Variants in DOCK9 observed in about 807,000 individuals in gnomAD.
DOCK9 encodes dedicator of cytokinesis 9.
In DOCK9, 89 loss-of-function variants were observed where a neutral mutation model predicts 263.3. The observed-to-expected ratio is 0.34, with a 90% CI of 0.28 to 0.40. The LOEUF (loss-of-function observed/expected upper bound fraction) is 0.40. DOCK9 is among the 10% of genes least tolerant of loss of function. The probability of loss-of-function intolerance (pLI) is 1.00; values close to 1 mark genes in which losing one functional copy is unlikely to be tolerated. For missense variants in DOCK9, 2,140 were observed against 2,603.4 expected (o/e 0.82, Z 3.87); for synonymous variants, 976 against 973.1 (o/e 1.00, Z -0.06).
At chr13:98,860,865 CT>C (rs1444501472) in intron 32 of DOCK9, among the ~76,000 whole-genome samples, 1 of 151,980 alleles carries the variant, frequency 6.6e-6, no homozygotes, top group Admixed American at 6.5e-5. Flanking sequence ...TGTTTTTTTC[CT>C]TCAGAGAAAG....
At chr13:99,015,420 T>C (rs1483649001) in intron 1 of DOCK9, 1 of 1,549,450 alleles carries the variant, frequency 6.5e-7, no homozygotes, top group Non-Finnish European at 8.7e-7. Flanking sequence ...ATTAAACTAC[T>C]TGTTAATTAA....
chr13:98,992,557 G>A (rs1465067599), intron 1 of DOCK9, among the ~76,000 whole-genome samples: 3 of 152,072 alleles, frequency 2.0e-5, no homozygotes, highest in Non-Finnish European at 2.9e-5. Flanking sequence ...GTGAATCATG[G>A]GGCCAGGTTT....
chr13:98,815,725 C>T (rs1426876492), intron 45 of DOCK9, among the ~76,000 whole-genome samples: 1 of 152,166 alleles, frequency 6.6e-6, no homozygotes. Context: ...TTGTGATCCA[C>T]CCACCTTGGC....
intron 1 of DOCK9, among the ~76,000 whole-genome samples, chr13:98,970,527 C>A (rs371925083): frequency 3.9e-5 from 6 of 152,162 alleles, no homozygotes; most frequent in African/African-American, 1.4e-4. Flanking sequence ...CTTGCTGCTG[C>A]CTTTCCCTTG....
At chr13:98,982,670 G>C (rs1455416532), upstream of DOCK9, among the ~76,000 whole-genome samples, 1 of 152,168 alleles carries the variant, frequency 6.6e-6, no homozygotes, top group African/African-American at 2.4e-5. Context: ...TGGCCCTAAA[G>C]TGAAATGGTG....
chr13:99,012,221 G>A (rs1595902465), intron 1 of DOCK9, among the ~76,000 whole-genome samples: 1 of 152,066 alleles, frequency 6.6e-6, no homozygotes, highest in African/African-American at 2.4e-5. Context: ...ATTTTCTTAA[G>A]TATGTTTCTT....
chr13:98,796,129 A>T, intron 52 of DOCK9: 1 of 1,088,814 alleles, frequency 9.2e-7, no homozygotes. Context: ...CAATGTCTGT[A>T]GTTGCTCAAA....
intron 43 of DOCK9, among the ~76,000 whole-genome samples, chr13:98,827,119 C>T (rs1216819228): frequency 6.6e-6 from 1 of 152,124 alleles, no homozygotes; most frequent in Non-Finnish European, 1.5e-5. Context: ...TTTGCTAAGG[C>T]TTTTTTCTAT....
At chr13:98,923,421 G>A (rs1834850641) in intron 4 of DOCK9, 50 bp from the exon 5 acceptor site, 1 of 1,499,386 alleles carries the variant, frequency 6.7e-7, no homozygotes. Context: ...AGTCAAGGAA[G>A]AGGCTTTGCA....
intron 52 of DOCK9, chr13:98,796,312 G>C: frequency 1.0e-6 from 1 of 1,002,016 alleles, no homozygotes; most frequent in Non-Finnish European, 1.5e-6. Flanking sequence ...TAAACTGTCA[G>C]GGGATAGGAT....
chr13:98,911,559 T>G (rs1302850786), intron 9 of DOCK9, among the ~76,000 whole-genome samples: 1 of 152,192 alleles, frequency 6.6e-6, no homozygotes, highest in African/African-American at 2.4e-5. Context: ...CCCTTAATAA[T>G]GACATTATTT....
In DOCK9 at chr13:98,898,209, T is replaced by A; in HGVS notation, c.1556A>T (p.Gln519Leu). The change falls in exon 14 of 53, where the codon CAG (glutamine) becomes CTG (leucine). Residue 519 changes from glutamine to leucine, a missense_variant. Coordinates refer to ENST00000682017, the MANE Select transcript of DOCK9 (RefSeq NM_001366683.2). ...TGCCCAAGCAAATGGCATTCTATAC[T>A]GTCCTAGTCTTTGGCATGCCTGCTT... ...NAKQACQRLG[Q>L]YRMPFAWAAR... is the part of the protein sequence containing the mutation. 6.2e-7 allele frequency: 1 copy of A among 1,612,232 alleles called. No individual in the cohort carries two copies. Among genetic ancestry groups the A allele is most frequent in the Non-Finnish European group, 8.5e-7 (1 of 1,179,170 alleles).
At chr13:99,038,287 CCTTTTTTTTTTTTTT>C (rs1888109083) in intron 1 of DOCK9, among the ~76,000 whole-genome samples, 2 of 48,834 alleles carry the variant, frequency 4.1e-5, no homozygotes, top group South Asian at 1.1e-3. Flanking sequence ...TTTATGCCCC[CCTTTTTTTTTTTTTT>C]TTTTTTTTTT....
chr13:98,902,264 GA>G (rs764430224), intron 12 of DOCK9, 23 bp downstream of exon 12: 3 of 1,609,898 alleles, frequency 1.9e-6, no homozygotes, highest in Non-Finnish European at 2.5e-6. Flanking sequence ...TGAGTAGTGG[GA>G]ATGCTGGGCT....
chr13:98,814,943 A>ATAACATAACATAACATAAC (rs1566576506), intron 45 of DOCK9, among the ~76,000 whole-genome samples: 1,514 of 32,978 alleles, frequency 0.046, 58 homozygotes, highest in Non-Finnish European at 0.069. Context: ...CTCAAAATAA[A>ATAACATAACATAACATAAC]ATAAAATAAA....
intron 1 of DOCK9, among the ~76,000 whole-genome samples, chr13:99,063,847 A>C (rs889793126): frequency 3.9e-4 from 60 of 152,082 alleles, no homozygotes; most frequent in African/African-American, 1.4e-3. Flanking sequence ...TTCATCTTCA[A>C]GCACAACTCA....
At chr13:99,028,911 G>A (rs942553992) in intron 1 of DOCK9, among the ~76,000 whole-genome samples, 1 of 152,200 alleles carries the variant, frequency 6.6e-6, no homozygotes, top group Non-Finnish European at 1.5e-5. Flanking sequence ...AAAGGGGTAG[G>A]CTGGCCAATT....
chr13:99,001,080 A>G (rs767789134), intron 1 of DOCK9, among the ~76,000 whole-genome samples: 10 of 152,254 alleles, frequency 6.6e-5, no homozygotes, highest in Non-Finnish European at 1.2e-4. Context: ...CAGCAAGGAA[A>G]GGCCTTCAGC....
At chr13:98,882,433 C>T (rs540212621) in intron 23 of DOCK9, among the ~76,000 whole-genome samples, 1 of 152,266 alleles carries the variant, frequency 6.6e-6, no homozygotes, top group East Asian at 1.9e-4. Context: ...TTCCATTTTC[C>T]TTGTTAAACC....
Sources: gnomAD v4.1 joint callset for allele counts (sites outside exome capture counted in the v4.1 genomes callset) on GRCh38, gnomAD v4.1.1 for gene constraint, MANE v1.5 for transcripts, NCBI Gene and HGNC (gene_info 2026-07-23, HGNC 2026-07-21) for gene names.